Variants in KLHL1 observed in about 807,000 individuals in gnomAD.
The protein encoded by KLHL1 is kelch-like protein 1.
Under a neutral mutation model 77.7 loss-of-function variants are expected in KLHL1, and 47 were observed. The ratio of observed to expected loss-of-function variants is 0.60; its 90% CI spans 0.48 to 0.77. KLHL1 has a LOEUF of 0.77. Among genes scored for constraint, KLHL1 ranks in the 30% least tolerant of loss-of-function variants. KLHL1 has a pLI of 0.00. For missense variants in KLHL1, 925 were observed against 910.8 expected, an observed-to-expected ratio of 1.02 and a Z score of -0.20; for synonymous variants, 360 against 325.2, an observed-to-expected ratio of 1.11 and a Z score of -1.15.
intron 5 of KLHL1, among the ~76,000 whole-genome samples, chr13:69,874,727 C>T (rs886911812): frequency 5.3e-5 from 8 of 152,024 alleles, no homozygotes; most frequent in Non-Finnish European, 7.4e-5. Flanking sequence ...TGTAAAGATG[C>T]TTATAAACCA....
chr13:69,706,406 C>T (rs1424265896), intron 10 of KLHL1, among the ~76,000 whole-genome samples: 3 of 151,784 alleles, frequency 2.0e-5, no homozygotes, highest in Non-Finnish European at 4.4e-5. Context: ...GTTAGTCTGA[C>T]TAAAAAATAT....
At chr13:69,761,345 T>C (rs1875011243) in intron 7 of KLHL1, among the ~76,000 whole-genome samples, 1 of 151,774 alleles carries the variant, frequency 6.6e-6, no homozygotes, top group African/African-American at 2.4e-5. Context: ...TGGCTGCCTG[T>C]GGTTGGCTGA....
At chr13:69,846,146 A>G (rs1173311392) in intron 5 of KLHL1, among the ~76,000 whole-genome samples, 1 of 151,564 alleles carries the variant, frequency 6.6e-6, no homozygotes, top group African/African-American at 2.4e-5. Flanking sequence ...AAACATTTCC[A>G]GTGTTCTGGT....
chr13:70,043,119 G>A (rs1044276967), intron 1 of KLHL1, among the ~76,000 whole-genome samples: 5 of 152,224 alleles, frequency 3.3e-5, no homozygotes, highest in African/African-American at 1.2e-4. Flanking sequence ...TAGCCAGGCT[G>A]ATCTCGAACT....
At position 70,001,557 on chromosome 13, in the gene KLHL1, G is replaced by A. The variant is rs936015777; in HGVS notation, c.498-25755C>T. Among the ~76,000 whole-genome samples the A allele has an allele frequency of 1.5e-4, 23 of 148,492 alleles. 1 individual carries two copies. Among genetic ancestry groups the A allele is most frequent in the Non-Finnish European group, 4.5e-5 (3 of 66,792 alleles). On this transcript the variant is annotated intron_variant, in intron 1 of 10. Transcript: ENST00000377844. ...AGGTTTGCAAGAACATTTAAACATT[G>A]GGATATCTATCTATGATCTATGTGT...
intron 2 of KLHL1, among the ~76,000 whole-genome samples, chr13:69,973,483 A>G (rs571056007): frequency 6.6e-6 from 1 of 151,752 alleles, no homozygotes; most frequent in South Asian, 2.1e-4. Context: ...TGATATTATT[A>G]TAATAGCTCC....
intron 1 of KLHL1, among the ~76,000 whole-genome samples, chr13:70,016,233 C>A (rs1885654274): frequency 2.0e-5 from 3 of 152,252 alleles, no homozygotes; most frequent in Admixed American, 2.0e-4. Flanking sequence ...CAGCCACTGA[C>A]ACACACCAGC....
At chr13:70,072,593 G>T (rs1214732751) in intron 1 of KLHL1, among the ~76,000 whole-genome samples, 1 of 151,952 alleles carries the variant, frequency 6.6e-6, no homozygotes, top group African/African-American at 2.4e-5. Flanking sequence ...TTATACACCT[G>T]TGGCCAGGTA....
At chr13:70,050,275 T>C (rs1178039988) in intron 1 of KLHL1, among the ~76,000 whole-genome samples, 1 of 151,956 alleles carries the variant, frequency 6.6e-6, no homozygotes, top group East Asian at 1.9e-4. Flanking sequence ...TGACGCCTTC[T>C]TCCTTCTTAA....
intron 2 of KLHL1, among the ~76,000 whole-genome samples, chr13:69,970,030 C>A (rs1593636391): frequency 6.6e-6 from 1 of 152,146 alleles, no homozygotes; most frequent in East Asian, 1.9e-4. Flanking sequence ...GCTGTGCAGA[C>A]TTCTTATCCC....
rs113792172 is a variant in KLHL1, at chr13:69,958,208, A to G, written c.817+3100T>C. Among the ~76,000 whole-genome samples, 144 of 151,660 alleles carry G rather than the reference A, an allele frequency of 9.5e-4. 1 individual carries two copies. Among genetic ancestry groups the G allele is most frequent in the African/African-American group, 3.2e-3 (132 of 41,450 alleles). The stretch of plus-strand genomic sequence containing the variant: ...CTGTTATCACCATTGCTGTCTCTCA[A>G]TGATACCAAGGCCATTCTTACCAGT... On this transcript the variant is annotated intron_variant, in intron 3 of 10. Transcript: ENST00000377844.
At chr13:69,791,700 A>T (rs1282669720) in intron 7 of KLHL1, among the ~76,000 whole-genome samples, 1 of 152,138 alleles carries the variant, frequency 6.6e-6, no homozygotes, top group Non-Finnish European at 1.5e-5. Flanking sequence ...TCTTTTCAAC[A>T]AAAGAAGCAA....
intron 7 of KLHL1, among the ~76,000 whole-genome samples, chr13:69,760,345 A>G (rs950997814): frequency 7.3e-6 from 1 of 136,926 alleles, no homozygotes; most frequent in Non-Finnish European, 1.6e-5. Context: ...AGGTTAGGAT[A>G]TTTTATTATT....
intron 1 of KLHL1, among the ~76,000 whole-genome samples, chr13:69,982,022 G>A (rs1456760469): frequency 6.6e-6 from 1 of 152,018 alleles, no homozygotes; most frequent in Non-Finnish European, 1.5e-5. Flanking sequence ...AAAGCGTACT[G>A]TGTTTTTGCT....
intron 2 of KLHL1, among the ~76,000 whole-genome samples, chr13:69,973,446 A>G (rs1275648745): frequency 2.0e-5 from 3 of 151,836 alleles, no homozygotes; most frequent in South Asian, 2.1e-4. Context: ...ATAAATCTTC[A>G]TAAAAATTAT....
intron 7 of KLHL1, among the ~76,000 whole-genome samples, chr13:69,755,906 G>A (rs1276903330): frequency 6.6e-6 from 1 of 152,182 alleles, no homozygotes; most frequent in Non-Finnish European, 1.5e-5. Flanking sequence ...CTTATTAGCT[G>A]TGGGATTTTG....
At chr13:69,837,114 G>T (rs1446387844) in intron 6 of KLHL1, among the ~76,000 whole-genome samples, 1 of 151,696 alleles carries the variant, frequency 6.6e-6, no homozygotes, top group East Asian at 1.9e-4. Context: ...GTATAACTTG[G>T]TAATATTATA....
chr13:70,068,208 G>A (rs1018229898), intron 1 of KLHL1, among the ~76,000 whole-genome samples: 5 of 152,000 alleles, frequency 3.3e-5, no homozygotes, highest in Non-Finnish European at 7.4e-5. Context: ...GGGCGTGGTG[G>A]CGGGCGCCTG....
chr13:70,093,032 T>G (rs933323113), intron 1 of KLHL1, among the ~76,000 whole-genome samples: 2 of 152,176 alleles, frequency 1.3e-5, no homozygotes, highest in African/African-American at 4.8e-5. Flanking sequence ...ATTTTATTTT[T>G]AAAGACATTG....
Sources: allele counts gnomAD v4.1 joint callset (sites outside exome capture counted in the v4.1 genomes callset), GRCh38; gene constraint gnomAD v4.1.1; transcripts MANE v1.5; gene names NCBI Gene and HGNC (gene_info 2026-07-23, HGNC 2026-07-21).